The following SNED1 variants were observed in gnomAD, a reference collection of about 807,000 sequenced individuals.
The protein encoded by SNED1 is sushi, nidogen and EGF-like domain-containing protein 1.
Under a neutral mutation model 166.7 loss-of-function variants are expected in SNED1, and 81 were observed. The observed-to-expected ratio is 0.49, with a 90% confidence interval of 0.41 to 0.58. SNED1 has a LOEUF of 0.58. SNED1 is among the 20% of genes least tolerant of loss of function. The pLI, the probability that SNED1 is intolerant of heterozygous loss-of-function variation, is 0.00. For synonymous variants in SNED1, 762 were observed against 822.0 expected, an observed-to-expected ratio of 0.93 and a Z score of 1.25; for missense variants, 1,604 against 2,000.2, an observed-to-expected ratio of 0.80 and a Z score of 3.78.
At chr2:241,023,600 G>C (rs1024572937) in intron 1 of SNED1, among the ~76,000 whole-genome samples, 2 of 152,136 alleles carry the variant, frequency 1.3e-5, no homozygotes, top group Non-Finnish European at 2.9e-5. Flanking sequence ...TACTAGAGAA[G>C]ATACATTGAG....
chr2:241,089,183 C>G, intron 31 of SNED1: 1 of 1,043,762 alleles, frequency 9.6e-7, no homozygotes, highest in Non-Finnish European at 1.4e-6. Flanking sequence ...CAGTTTCATA[C>G]TGACCATCAT....
rs753035462 is a variant in SNED1, at chr2:241,065,509, C to T, written c.2924C>T (p.Ala975Val). Reference protein sequence around the residue: ...HQLQALAAGRAYNISVFSVKR... With the variant: ...HQLQALAAGRVYNISVFSVKR... ...CTCCAGGCCCTGGCGGCCGGCAGGG[C>T]CTACAACATCTCCGTCTTCTCAGTG... Residue 975 changes from alanine to valine, a missense_variant, in exon 21 of 32, where the codon GCC (alanine) becomes GTC (valine). Ala to Val is a moderately conservative substitution (Grantham distance 64). This residue lies in a region of SNED1 where 1,237 missense variants were observed against 1,620.8 expected (regional missense o/e 0.76). Coordinates refer to ENST00000310397, the MANE Select transcript of SNED1 (RefSeq NM_001080437.3). The T allele has an allele frequency of 2.5e-5, 41 of 1,612,982 alleles. No homozygotes were observed. In the East Asian group the frequency reaches 9.1e-4, roughly 36 times the overall value.
intron 5 of SNED1, 79 bp downstream of exon 5, chr2:241,036,994 C>A (rs2061392473): frequency 2.0e-6 from 3 of 1,510,268 alleles, no homozygotes; most frequent in Admixed American, 4.1e-5. Context: ...CGCCAGTGGC[C>A]CTGGGCGCCC....
intron 24 of SNED1, among the ~76,000 whole-genome samples, chr2:241,070,781 G>A (rs2062671199): frequency 6.6e-6 from 1 of 152,226 alleles, no homozygotes; most frequent in African/African-American, 2.4e-5. Flanking sequence ...CAAGTTCACA[G>A]AAGGAGCAGT....
At chr2:241,025,413 A>T (rs1322571502) in intron 1 of SNED1, among the ~76,000 whole-genome samples, 1 of 152,182 alleles carries the variant, frequency 6.6e-6, no homozygotes, top group Non-Finnish European at 1.5e-5. Flanking sequence ...ATTAATATTC[A>T]CTACCAAGTT....
Position 241,021,884 on chromosome 2 carries a change from C to T in SNED1, c.214-8400C>T, listed in dbSNP as rs182003466. 5.2e-3 allele frequency among the ~76,000 whole-genome samples: 797 copies of T among 152,274 alleles called. 4 individuals are homozygous for T. Among genetic ancestry groups the T allele is most frequent in the African/African-American group, 0.018 (760 of 41,546 alleles). Reference sequence around the variant, plus strand: ...CAAAGCAGCTGTACCATTTTATATTCCACTAGCAATGTATGAGGGTTCCAA... The same window carrying T: ...CAAAGCAGCTGTACCATTTTATATTTCACTAGCAATGTATGAGGGTTCCAA... On this transcript the variant is annotated intron_variant, in intron 1 of 31. Coordinates refer to ENST00000310397, the MANE Select transcript of SNED1 (RefSeq NM_001080437.3).
intron 8 of SNED1, among the ~76,000 whole-genome samples, chr2:241,047,831 G>A (rs2061694334): frequency 6.6e-6 from 1 of 151,714 alleles, no homozygotes; most frequent in African/African-American, 2.4e-5. Flanking sequence ...TGGTTTCTCT[G>A]GTGCTTCTTG....
intron 16 of SNED1, among the ~76,000 whole-genome samples, chr2:241,060,057 G>A (rs776581950): frequency 6.6e-6 from 1 of 152,228 alleles, no homozygotes; most frequent in Non-Finnish European, 1.5e-5. Flanking sequence ...TACAGGGTCA[G>A]TATATAGAAC....
chr2:241,058,676 C>T (rs1294188236), intron 16 of SNED1, among the ~76,000 whole-genome samples: 3 of 152,182 alleles, frequency 2.0e-5, no homozygotes, highest in Admixed American at 6.5e-5. Context: ...TTGGGCCGGG[C>T]GCGGTGGCTC....
Position 241,091,402 on chromosome 2 carries a change from T to C in SNED1, c.*2-236T>C, listed in dbSNP as rs540892791. Among the ~76,000 whole-genome samples the C allele has an allele frequency of 8.7e-6, 1 of 114,848 alleles. No individual in the cohort carries two copies. The highest frequency in any genetic ancestry group is 3.2e-4 in the East Asian group (1 of 3,116). The allele number at this position is 114,848 out of a possible 152,430, so 75.3% of individuals were successfully genotyped here. A position where few individuals can be genotyped will look rare whatever the true frequency, so the allele number is the denominator to read the frequency against. ...TTCCTAAAGATGGGGATGTAGTCGG[T>C]GGAGGCTGCCCCTCCCCGTGTGCAC... On this transcript the variant is annotated intron_variant, in intron 31 of 31. Coordinates refer to ENST00000310397, the MANE Select transcript of SNED1 (RefSeq NM_001080437.3). The surrounding 1 kb of genome is among the most constrained non-coding windows in gnomAD (Gnocchi z 4.1).
chr2:241,056,580 A>ATTTTTTTTTTTTTT (rs1172411061), intron 16 of SNED1, among the ~76,000 whole-genome samples: 22 of 111,222 alleles, frequency 2.0e-4, no homozygotes, highest in Non-Finnish European at 3.2e-4. Context: ...AATAAGTGAA[A>ATTTTTTTTTTTTTT]TTTTTTTTTT....
Position 241,051,935 on chromosome 2 carries a change from C to A in SNED1, c.1852+75C>A. 1.4e-6 allele frequency: 2 copies of A among 1,470,106 alleles called. No homozygotes were observed. Among genetic ancestry groups the A allele is most frequent in the East Asian group, 4.9e-5 (2 of 40,940 alleles). The allele number at this position is 1,470,106 out of a possible 1,614,324, so 91.1% of individuals were successfully genotyped here. A position where few individuals can be genotyped will look rare whatever the true frequency, so the allele number is the denominator to read the frequency against. ...GAGCTGGGGCCCCTGATGCACCCTC[C>A]CTGCCAGCTGTGGGTCTGCTTCTCA... On this transcript the variant is annotated intron_variant, in intron 13 of 31. Transcript: ENST00000310397. The surrounding 1 kb of genome is among the most constrained non-coding windows in gnomAD (Gnocchi z 4.7).
At chr2:241,080,515 T>C (rs1160087386) in intron 27 of SNED1, among the ~76,000 whole-genome samples, 2 of 152,076 alleles carry the variant, frequency 1.3e-5, no homozygotes, top group Non-Finnish European at 2.9e-5. Context: ...AAATGGGTGA[T>C]TCCAAGACTG....
At chr2:241,033,918 C>T in intron 3 of SNED1, 43 bp downstream of exon 3, 2 of 1,549,538 alleles carry the variant, frequency 1.3e-6, no homozygotes, top group East Asian at 2.4e-5. Flanking sequence ...AACCCCTGCT[C>T]CCCACAGCCA....
intron 1 of SNED1, among the ~76,000 whole-genome samples, chr2:241,028,448 A>G (rs2061053085): frequency 6.6e-6 from 1 of 152,096 alleles, no homozygotes; most frequent in Non-Finnish European, 1.5e-5. Flanking sequence ...TTGGCTCTAT[A>G]TTGAGTTAAT....
chr2:241,065,325 A>G lies in SNED1; in HGVS notation c.2740A>G (p.Met914Val). The G allele has an allele frequency of 1.2e-6, 2 of 1,612,844 alleles. No individual in the cohort carries two copies. The highest frequency in any genetic ancestry group is 1.1e-5 in the South Asian group (1 of 91,064). Residue 914 changes from methionine to valine, a missense_variant, in exon 21 of 32, where the codon ATG becomes GTG. Physicochemically the swap from Met to Val is conservative, Grantham distance 21. Coordinates refer to ENST00000310397, the MANE Select transcript of SNED1 (RefSeq NM_001080437.3). ...GCTCTTCCCACCGACGGCCCTCAAG[A>G]TGGAGAGAGTGGAGGAGAGTGGGGT... is the stretch of plus-strand genomic sequence containing the variant. ...KELFPPTALKMERVEESGVSI... is the reference protein window; with the variant it reads ...KELFPPTALKVERVEESGVSI...
At position 241,068,171 on chromosome 2, in the gene SNED1, T is replaced by C. The variant is rs936475806; in HGVS notation, c.3194+224T>C. ...GCCAAGAGAGGATACACCTTGGTAGTGTTTTAAAGTGTCCAAAAAGAGCAG... is the reference window on the plus strand; with the variant it reads ...GCCAAGAGAGGATACACCTTGGTAGCGTTTTAAAGTGTCCAAAAAGAGCAG... On this transcript the variant is annotated intron_variant, in intron 22 of 31. Coordinates refer to ENST00000310397, the MANE Select transcript of SNED1 (RefSeq NM_001080437.3). The surrounding 1 kb of genome is among the most constrained non-coding windows in gnomAD (Gnocchi z 5.3). Among the ~76,000 whole-genome samples, 1 of 152,132 alleles carries C rather than the reference T, an allele frequency of 6.6e-6. No homozygotes were observed. The highest frequency in any genetic ancestry group is 6.5e-5 in the Admixed American group (1 of 15,274).
rs960187158 is a variant in SNED1 at position 241,089,477 on chromosome 2, T to C, written c.*1+1075T>C. ...CCAAAGGAAGAGTGTCCACACCCCC[T>C]TGGGGGAAAGGTCTGGGCCGGAGCT... On this transcript the variant is annotated intron_variant, in intron 31 of 31. Coordinates refer to ENST00000310397, the MANE Select transcript of SNED1 (RefSeq NM_001080437.3). 12 of 1,518,804 alleles carry C rather than the reference T, an allele frequency of 7.9e-6. No individual in the cohort carries two copies. The African/African-American group carries it at 1.4e-4, about 18-fold the overall frequency. The allele number at this position is 1,518,804 out of a possible 1,614,324, so 94.1% of individuals were successfully genotyped here.
chr2:241,050,957 G>A (rs1468231112), intron 12 of SNED1, among the ~76,000 whole-genome samples: 1 of 152,234 alleles, frequency 6.6e-6, no homozygotes, highest in Non-Finnish European at 1.5e-5. Context: ...CAGCTTCCGT[G>A]AGCACACAGG....
Sources: gnomAD v4.1 joint callset for allele counts (sites outside exome capture counted in the v4.1 genomes callset) on GRCh38, gnomAD v4.1.1 for gene constraint, gnomAD v4.1.1 regional missense constraint, Gnocchi (gnomAD v3.1) non-coding constraint, MANE v1.5 for transcripts, NCBI Gene and HGNC (gene_info 2026-07-23, HGNC 2026-07-21) for gene names.